Variants in UHRF2 observed in about 807,000 individuals in gnomAD.
UHRF2 encodes the protein ubiquitin like with PHD and ring finger domains 2.
UHRF2 carries 23 observed loss-of-function variants against 96.8 expected under a neutral mutation model. That is an observed-to-expected ratio of 0.24 (90% CI 0.17 to 0.34). The LOEUF (loss-of-function observed/expected upper bound fraction) is 0.34. UHRF2 is among the 10% of genes least tolerant of loss of function. The pLI is 1.00. For missense variants in UHRF2, 685 were observed against 981.5 expected (o/e 0.70, Z 4.04); for synonymous variants, 385 against 332.6 (o/e 1.16, Z -1.72).
At chr9:6,464,814 A>G (rs187138206) in intron 4 of UHRF2, among the ~76,000 whole-genome samples, 4 of 152,326 alleles carry the variant, frequency 2.6e-5, no homozygotes, top group Admixed American at 2.0e-4. Context: ...ACAACAGAGC[A>G]CATGATCCTG....
chr9:6,475,229 T>C lies in UHRF2; in HGVS notation c.864-162T>C, dbSNP rs116886039. 3.0e-4 allele frequency among the ~76,000 whole-genome samples: 46 copies of C among 152,348 alleles called. No homozygotes were observed. The East Asian group carries it at 8.5e-3, about 28-fold the overall frequency. Reference sequence around the variant, plus strand: ...AATGTTAACTAATCACTATGGACTTTTCCTACTATTGAAAACAATAGTTCA... The same window carrying C: ...AATGTTAACTAATCACTATGGACTTCTCCTACTATTGAAAACAATAGTTCA... On this transcript the variant is annotated intron_variant, in intron 4 of 15. Coordinates refer to ENST00000276893, the MANE Select transcript of UHRF2 (RefSeq NM_152896.3).
At chr9:6,445,754 G>C (rs547852587) in intron 3 of UHRF2, among the ~76,000 whole-genome samples, 2 of 151,994 alleles carry the variant, frequency 1.3e-5, no homozygotes, top group Non-Finnish European at 2.9e-5. Flanking sequence ...TGTAGAGACA[G>C]GGTCTCCCTA....
At chr9:6,477,058 C>A (rs1043826646) in intron 5 of UHRF2, among the ~76,000 whole-genome samples, 1 of 152,012 alleles carries the variant, frequency 6.6e-6, no homozygotes, top group Non-Finnish European at 1.5e-5. Context: ...CCTGGTGAAA[C>A]CCTGTCTCTA....
At chr9:6,422,876 C>G (rs916772037) in intron 2 of UHRF2, 33 of 385,494 alleles carry the variant, frequency 8.6e-5, no homozygotes, top group Non-Finnish European at 1.2e-4. Context: ...ATATGGTTAT[C>G]TTCTAAAATA....
chr9:6,452,590 A>T (rs1469467266), intron 3 of UHRF2, among the ~76,000 whole-genome samples: 8 of 152,216 alleles, frequency 5.3e-5, no homozygotes, highest in Admixed American at 5.2e-4. Flanking sequence ...GTAGATTTTA[A>T]CTAAGGATAT....
At chr9:6,422,632 C>G in intron 2 of UHRF2, 1 of 635,812 alleles carries the variant, frequency 1.6e-6, no homozygotes, top group Non-Finnish European at 2.9e-6. Context: ...TTTTTTGAGA[C>G]AGGGTCTGGC....
chr9:6,457,051 A>G (rs768176692), intron 3 of UHRF2, among the ~76,000 whole-genome samples: 6 of 152,144 alleles, frequency 3.9e-5, no homozygotes, highest in African/African-American at 4.8e-5. Context: ...GAAGAAAGTC[A>G]TTGTCAGTTT....
chr9:6,416,834 T>A (rs1168527037), intron 1 of UHRF2, among the ~76,000 whole-genome samples: 1 of 152,186 alleles, frequency 6.6e-6, no homozygotes, highest in African/African-American at 2.4e-5. Flanking sequence ...GCCTAAATCT[T>A]TTGAGAATCC....
chr9:6,475,711 G>T (rs1563788754), intron 5 of UHRF2, among the ~76,000 whole-genome samples: 1 of 151,812 alleles, frequency 6.6e-6, no homozygotes, highest in African/African-American at 2.4e-5. Context: ...ATATTATCTT[G>T]GTATTTTATT....
intron 6 of UHRF2, among the ~76,000 whole-genome samples, chr9:6,480,990 A>G (rs1314565818): frequency 6.6e-6 from 1 of 152,206 alleles, no homozygotes; most frequent in Non-Finnish European, 1.5e-5. Flanking sequence ...TTGTTAGAGT[A>G]TTCCCAGAGT....
intron 4 of UHRF2, among the ~76,000 whole-genome samples, chr9:6,470,688 AGTC>A (rs1295132052): frequency 6.6e-6 from 1 of 152,212 alleles, no homozygotes; most frequent in Non-Finnish European, 1.5e-5. Context: ...TGGTAAATGA[AGTC>A]GTGAGATTCT....
intron 4 of UHRF2, among the ~76,000 whole-genome samples, chr9:6,469,285 C>T (rs752310291): frequency 8.6e-5 from 13 of 152,010 alleles, no homozygotes; most frequent in Admixed American, 3.3e-4. Flanking sequence ...TTTGGGAGGC[C>T]GAGGCAGGTG....
intron 6 of UHRF2, among the ~76,000 whole-genome samples, chr9:6,479,709 C>T (rs1823809747): frequency 6.6e-6 from 1 of 152,120 alleles, no homozygotes; most frequent in African/African-American, 2.4e-5. Flanking sequence ...AAATCCTGCT[C>T]CTCCCCCAGT....
At chr9:6,434,841 G>A (rs941319778) in intron 3 of UHRF2, among the ~76,000 whole-genome samples, 4 of 151,938 alleles carry the variant, frequency 2.6e-5, no homozygotes, top group Non-Finnish European at 5.9e-5. Context: ...TGTATGTTTT[G>A]GGGGGTGGGG....
At chr9:6,470,790 A>G (rs899406879) in intron 4 of UHRF2, among the ~76,000 whole-genome samples, 16 of 152,198 alleles carry the variant, frequency 1.1e-4, no homozygotes, top group African/African-American at 3.6e-4. Flanking sequence ...TACTAAAAAT[A>G]AAGGATTTTT....
At position 6,415,956 on chromosome 9, in the gene UHRF2, C is replaced by A. The variant is rs185141281; in HGVS notation, c.153+2313C>A. 9.2e-4 allele frequency among the ~76,000 whole-genome samples: 140 copies of A among 152,324 alleles called. 1 individual carries two copies. The highest frequency in any genetic ancestry group is 5.4e-3 in the East Asian group (28 of 5,186). On this transcript the variant is annotated intron_variant, in intron 1 of 15. Transcript: ENST00000276893. Reference sequence around the variant, plus strand: ...TTTACCTGAAATCCTCACGCCAGACCTACTGAAGCTGACCTACTGAAGCAG... The same window carrying A: ...TTTACCTGAAATCCTCACGCCAGACATACTGAAGCTGACCTACTGAAGCAG...
chr9:6,437,378 G>A (rs1228608489), intron 3 of UHRF2, among the ~76,000 whole-genome samples: 14 of 151,972 alleles, frequency 9.2e-5, no homozygotes, highest in Admixed American at 7.2e-4. Flanking sequence ...GATGACAGGT[G>A]CCTGCCACCA....
rs563075233 is a variant in UHRF2 at position 6,470,092 on chromosome 9, T to C, written c.864-5299T>C. Among the ~76,000 whole-genome samples, 31 of 152,312 alleles carry C rather than the reference T, an allele frequency of 2.0e-4. No individual in the cohort carries two copies. In the Middle Eastern group the frequency reaches 0.014, roughly 67 times the overall value. ...ATACTAATTTAAAAACATTCCCAGC[T>C]GGGCGTGGTGGCTCACGCCTATATA... is the stretch of plus-strand genomic sequence containing the variant. On this transcript the variant is annotated intron_variant, in intron 4 of 15. Transcript: ENST00000276893.
intron 2 of UHRF2, among the ~76,000 whole-genome samples, chr9:6,433,030 G>A (rs1019454869): frequency 2.0e-5 from 3 of 152,030 alleles, no homozygotes; most frequent in Admixed American, 6.5e-5. Context: ...TAGTAGAGAC[G>A]GGGTTTCACT....
Sources: allele counts gnomAD v4.1 joint callset (sites outside exome capture counted in the v4.1 genomes callset), GRCh38; gene constraint gnomAD v4.1.1; transcripts MANE v1.5; gene names NCBI Gene and HGNC (gene_info 2026-07-23, HGNC 2026-07-21).